SLC8B1: variants seen among roughly 807,000 people sequenced by gnomAD.
SLC8B1 encodes the protein mitochondrial sodium/calcium exchanger protein.
Under a neutral mutation model 63.4 loss-of-function variants are expected in SLC8B1, and 52 were observed. The observed-to-expected ratio is 0.82, with a 90% CI of 0.66 to 1.03. SLC8B1 has a LOEUF of 1.03. Among genes scored for constraint, SLC8B1 ranks in the 50% least tolerant of loss-of-function variants. The pLI is 0.00. For missense variants in SLC8B1, 657 were observed against 741.7 expected (o/e 0.89, Z 1.33); for synonymous variants, 336 against 323.9 (o/e 1.04, Z -0.40).
chr12:113,322,496 G>A (rs1274583553), intron 2 of SLC8B1, among the ~76,000 whole-genome samples: 1 of 152,172 alleles, frequency 6.6e-6, no homozygotes, highest in Admixed American at 6.6e-5. Context: ...ATGACTCTCT[G>A]AGCACATATG....
chr12:113,328,185 C>T (rs1957018540), intron 2 of SLC8B1, among the ~76,000 whole-genome samples: 1 of 152,118 alleles, frequency 6.6e-6, no homozygotes, highest in African/African-American at 2.4e-5. Context: ...GTGCGCATCA[C>T]ACGAGGCTAA....
chr12:113,300,485 AAAAT>A (rs558151921), intron 15 of SLC8B1, among the ~76,000 whole-genome samples: 156 of 152,098 alleles, frequency 1.0e-3, no homozygotes, highest in African/African-American at 3.5e-3. Flanking sequence ...TCTGTCTCAA[AAAAT>A]AAATAAAATA....
chr12:113,333,552 A>G (rs1330527093), intron 1 of SLC8B1, among the ~76,000 whole-genome samples: 1 of 152,060 alleles, frequency 6.6e-6, no homozygotes, highest in Admixed American at 6.6e-5. Flanking sequence ...CATTTTACAG[A>G]TGAACTAACT....
intron 10 of SLC8B1, 81 bp downstream of exon 10, chr12:113,316,445 C>T (rs533934330): frequency 1.2e-5 from 19 of 1,528,310 alleles, no homozygotes; most frequent in Middle Eastern, 3.6e-4. Context: ...GGCCCTCCCC[C>T]TCGTAGAGCT....
At chr12:113,302,839 G>A (rs1204741757) in intron 15 of SLC8B1, 1 of 399,704 alleles carries the variant, frequency 2.5e-6, no homozygotes, top group Admixed American at 2.8e-5. Context: ...CTCTAGACAT[G>A]TACATCAATT....
chr12:113,321,903 T>C (rs973228176), intron 2 of SLC8B1, among the ~76,000 whole-genome samples: 2 of 152,010 alleles, frequency 1.3e-5, no homozygotes, highest in Non-Finnish European at 2.9e-5. Context: ...GTACAATAAT[T>C]CTATGATGGC....
chr12:113,301,558 C>T (rs1010925289), intron 15 of SLC8B1, among the ~76,000 whole-genome samples: 13 of 152,150 alleles, frequency 8.5e-5, no homozygotes, highest in African/African-American at 1.9e-4. Flanking sequence ...AGACTGTTCT[C>T]GAACTCCTGA....
rs571349816 is a variant in SLC8B1 at position 113,306,548 on chromosome 12, C to T, written c.1439G>A (p.Arg480His). 33 of 1,613,466 alleles carry T rather than the reference C, an allele frequency of 2.0e-5. No homozygotes were observed. Among genetic ancestry groups the T allele is most frequent in the African/African-American group, 1.1e-4 (8 of 75,056 alleles). ...GDAFSDFTLA[R>H]QGYPRMAFSA... Reference sequence around the variant, plus strand: ...GAACGCCATCCGTGGGTAGCCCTGGCGAGCCAGTGTGAAATCCGAGAAGGC... The same window carrying T: ...GAACGCCATCCGTGGGTAGCCCTGGTGAGCCAGTGTGAAATCCGAGAAGGC... Residue 480 changes from arginine to histidine, a missense_variant, in exon 14 of 16, where the codon CGC becomes CAC. By Grantham distance (29) the Arg-to-His change is conservative. Transcript: ENST00000680972.
chr12:113,315,023 C>T lies in SLC8B1; in HGVS notation c.1135+312G>A, dbSNP rs1287689925. Among the ~76,000 whole-genome samples, 4 of 152,220 alleles carry T rather than the reference C, an allele frequency of 2.6e-5. No individual in the cohort carries two copies. The East Asian group carries it at 5.8e-4, about 22-fold the overall frequency. ...TCCACTGGCTGTGCACGGTGGCTCA[C>T]GCCTGTAATCCCAGCACTTTGGAAG... On this transcript the variant is annotated intron_variant, in intron 11 of 15. Transcript: ENST00000680972.
At chr12:113,315,711 G>A (rs563737739) in intron 10 of SLC8B1, among the ~76,000 whole-genome samples, 2 of 152,376 alleles carry the variant, frequency 1.3e-5, no homozygotes, top group East Asian at 3.9e-4. Flanking sequence ...AAGTCCTGAA[G>A]TCAAGTTGTC....
intron 15 of SLC8B1, among the ~76,000 whole-genome samples, chr12:113,301,591 G>C (rs1368006545): frequency 6.6e-6 from 1 of 152,074 alleles, no homozygotes; most frequent in East Asian, 1.9e-4. Context: ...TGCCCACCAT[G>C]GCCTCCCAAA....
chr12:113,303,919 C>T lies in SLC8B1; in HGVS notation c.1557+402G>A, dbSNP rs148094643. Among the ~76,000 whole-genome samples the T allele has an allele frequency of 3.4e-3, 525 of 152,214 alleles. 2 individuals carry two copies. Among genetic ancestry groups the T allele is most frequent in the African/African-American group, 0.012 (499 of 41,534 alleles). ...TTTCTGAGATGAAGTCTCACTCTGT[C>T]GCCCAGGCTGGAGTGCAGTGGCGCA... On this transcript the variant is annotated intron_variant, in intron 15 of 15. Coordinates refer to ENST00000680972, the MANE Select transcript of SLC8B1 (RefSeq NM_001358345.2).
intron 11 of SLC8B1, among the ~76,000 whole-genome samples, chr12:113,313,243 C>G (rs752097872): frequency 4.6e-5 from 7 of 151,814 alleles, no homozygotes. Flanking sequence ...TTGCAGTTAC[C>G]TTAAATTTAT....
At chr12:113,318,447 ATG>A (rs139351373) in intron 8 of SLC8B1, among the ~76,000 whole-genome samples, 6,873 of 151,054 alleles carry the variant, frequency 0.046, 191 homozygotes, top group East Asian at 0.094. Flanking sequence ...ACGTATGTGT[ATG>A]TGTTGTATGT....
intron 10 of SLC8B1, 108 bp from the exon 11 acceptor site, chr12:113,315,584 C>A (rs1956824908): frequency 4.5e-6 from 6 of 1,325,858 alleles, no homozygotes; most frequent in Admixed American, 2.8e-5. Context: ...TGCTGAAGCA[C>A]TGACTGTGTG....
chr12:113,305,608 C>A lies in SLC8B1; in HGVS notation c.1492+887G>T, dbSNP rs567105011. Among the ~76,000 whole-genome samples the A allele has an allele frequency of 6.6e-6, 1 of 152,228 alleles. No homozygotes were observed. The highest frequency in any genetic ancestry group is 1.5e-5 in the Non-Finnish European group (1 of 68,034). ...GACCAAAAGTTGGCAAACATCAGCC[C>A]TCCGGCCAAATTTGGCCCACTAACT... On this transcript the variant is annotated intron_variant, in intron 14 of 15. Coordinates refer to ENST00000680972, the MANE Select transcript of SLC8B1 (RefSeq NM_001358345.2). The surrounding 1 kb of genome is among the most constrained non-coding windows in gnomAD (Gnocchi z 4.3).
chr12:113,332,085 G>A (rs1449023066), intron 2 of SLC8B1, among the ~76,000 whole-genome samples: 4 of 151,976 alleles, frequency 2.6e-5, no homozygotes, highest in African/African-American at 4.8e-5. Context: ...GCTCTTCCCC[G>A]GGGTGTCAAT....
At chr12:113,309,056 T>C (rs1488703799) in intron 12 of SLC8B1, among the ~76,000 whole-genome samples, 1 of 150,980 alleles carries the variant, frequency 6.6e-6, no homozygotes, top group Non-Finnish European at 1.5e-5. Flanking sequence ...GGTTTCGACA[T>C]GTTGGCCAGA....
intron 14 of SLC8B1, 50 bp from the exon 15 acceptor site, chr12:113,304,435 A>T: frequency 1.3e-6 from 2 of 1,534,008 alleles, no homozygotes; most frequent in Non-Finnish European, 1.8e-6. Flanking sequence ...ACATAACCCA[A>T]CCACATAGCC....
Sources: allele counts gnomAD v4.1 joint callset (sites outside exome capture counted in the v4.1 genomes callset), GRCh38; gene constraint gnomAD v4.1.1; non-coding constraint Gnocchi (gnomAD v3.1); transcripts MANE v1.5; gene names NCBI Gene and HGNC (gene_info 2026-07-23, HGNC 2026-07-21).